TNIK: variants seen among roughly 807,000 people sequenced by gnomAD.
The protein encoded by TNIK is TRAF2 and NCK interacting kinase, also known as TRAF2 and NCK-interacting protein kinase.
In TNIK, 49 loss-of-function variants were observed where a neutral mutation model predicts 191.3. That is an observed-to-expected ratio of 0.26 (90% CI 0.20 to 0.32). TNIK has a LOEUF of 0.32. Ranked by LOEUF, TNIK falls within the 10% of genes least tolerant of loss-of-function variation. The probability of loss-of-function intolerance (pLI) is 1.00; values close to 1 mark genes in which losing one functional copy is unlikely to be tolerated. For synonymous variants in TNIK, 594 were observed against 600.9 expected (o/e 0.99, Z 0.17); for missense variants, 1,155 against 1,702.3 (o/e 0.68, Z 5.66).
intron 2 of TNIK, among the ~76,000 whole-genome samples, chr3:171,330,879 AAAG>A (rs1407287559): frequency 6.6e-6 from 1 of 152,192 alleles, no homozygotes; most frequent in Non-Finnish European, 1.5e-5. Context: ...GGCCCCACCC[AAAG>A]AAGAGTAAAT....
At chr3:171,129,498 C>T (rs1728954963) in intron 15 of TNIK, among the ~76,000 whole-genome samples, 1 of 152,198 alleles carries the variant, frequency 6.6e-6, no homozygotes, top group Non-Finnish European at 1.5e-5. Context: ...TTTCCTGCTT[C>T]CTCAAATACA....
intron 1 of TNIK, among the ~76,000 whole-genome samples, chr3:171,410,574 T>A (rs535511428): frequency 4.1e-4 from 63 of 152,008 alleles, no homozygotes; most frequent in African/African-American, 1.5e-3. Flanking sequence ...GGTCAGGAGA[T>A]CGAGACCATC....
chr3:171,132,309 C>G (rs541956839), intron 15 of TNIK, among the ~76,000 whole-genome samples: 4 of 152,148 alleles, frequency 2.6e-5, no homozygotes, highest in Non-Finnish European at 5.9e-5. Context: ...ATTAAAAAAT[C>G]GTTTCAACAT....
At chr3:171,242,159 TA>T (rs59090516) in intron 2 of TNIK, among the ~76,000 whole-genome samples, 496 of 142,258 alleles carry the variant, frequency 3.5e-3, no homozygotes, top group East Asian at 5.3e-3. Flanking sequence ...GAACTTAAAT[TA>T]AAAAAAAAAA....
At chr3:171,150,603 A>G (rs1732309600) in intron 12 of TNIK, among the ~76,000 whole-genome samples, 1 of 152,252 alleles carries the variant, frequency 6.6e-6, no homozygotes, top group African/African-American at 2.4e-5. Flanking sequence ...ACAGCAAGAA[A>G]TACTGATAAG....
chr3:171,307,561 T>C lies in TNIK; in HGVS notation c.123+62059A>G, dbSNP rs527778503. Among the ~76,000 whole-genome samples the C allele has an allele frequency of 1.1e-4, 16 of 152,326 alleles. 1 individual carries two copies. Among genetic ancestry groups the C allele is most frequent in the African/African-American group, 3.8e-4 (16 of 41,588 alleles). ...TGTTGTTTTGAGTTTTCTTACTTTT[T>C]TACCACTAGTAGTACCAATTCCAGA... On this transcript the variant is annotated intron_variant, in intron 2 of 32. Coordinates refer to ENST00000436636, the MANE Select transcript of TNIK (RefSeq NM_015028.4).
At chr3:171,235,513 C>T (rs1744156508) in intron 2 of TNIK, among the ~76,000 whole-genome samples, 1 of 152,152 alleles carries the variant, frequency 6.6e-6, no homozygotes, top group African/African-American at 2.4e-5. Flanking sequence ...CCAAGAATGG[C>T]ACCTGGGGCT....
At position 171,116,333 on chromosome 3, in the gene TNIK, C is replaced by A. The variant is rs564909395; in HGVS notation, c.2121-5456G>T. 5.3e-5 allele frequency among the ~76,000 whole-genome samples: 8 copies of A among 152,200 alleles called. No homozygotes were observed. In the East Asian group the frequency reaches 1.5e-3, roughly 29 times the overall value. On this transcript the variant is annotated intron_variant, in intron 18 of 32. Coordinates refer to ENST00000436636, the MANE Select transcript of TNIK (RefSeq NM_015028.4). ...CATCTTAACTGAGCCTATTCAGATC[C>A]GAATGTGTAAAAACCTGAAAACATC...
intron 2 of TNIK, among the ~76,000 whole-genome samples, chr3:171,290,226 G>A (rs11717747): frequency 6.6e-6 from 1 of 152,154 alleles, no homozygotes; most frequent in Non-Finnish European, 1.5e-5. Context: ...AATACCTATG[G>A]TTGAATGATG....
chr3:171,096,151 T>A (rs1722690475), intron 22 of TNIK, among the ~76,000 whole-genome samples: 2 of 152,188 alleles, frequency 1.3e-5, no homozygotes, highest in South Asian at 4.1e-4. Context: ...AAGGGGTTCT[T>A]TGCTATTGTC....
chr3:171,372,034 G>A (rs1335484238), intron 1 of TNIK, among the ~76,000 whole-genome samples: 1 of 152,170 alleles, frequency 6.6e-6, no homozygotes, highest in African/African-American at 2.4e-5. Context: ...GAGGGCAGGA[G>A]CACAAACAGG....
chr3:171,354,328 A>G (rs539817795), intron 2 of TNIK, among the ~76,000 whole-genome samples: 26 of 152,310 alleles, frequency 1.7e-4, no homozygotes, highest in African/African-American at 5.8e-4. Context: ...GAAGTAGTTG[A>G]GTGCAACTGC....
intron 17 of TNIK, among the ~76,000 whole-genome samples, chr3:171,124,325 A>G (rs1053666131): frequency 2.0e-5 from 3 of 152,212 alleles, no homozygotes; most frequent in Non-Finnish European, 2.9e-5. Context: ...ATTAGTGAAC[A>G]TAATAGAACA....
chr3:171,093,204 C>A (rs1430450722), intron 23 of TNIK, among the ~76,000 whole-genome samples: 1 of 152,036 alleles, frequency 6.6e-6, no homozygotes, highest in Non-Finnish European at 1.5e-5. Context: ...TTAGCATGGA[C>A]ACAGTGGGGA....
At chr3:171,069,771 T>A (rs1039399391) in intron 29 of TNIK, among the ~76,000 whole-genome samples, 1 of 152,240 alleles carries the variant, frequency 6.6e-6, no homozygotes, top group Non-Finnish European at 1.5e-5. Context: ...CCTTGAGATC[T>A]GGGAGAGCAT....
intron 2 of TNIK, among the ~76,000 whole-genome samples, chr3:171,328,650 C>T (rs1425178279): frequency 1.3e-5 from 2 of 152,142 alleles, no homozygotes; most frequent in Non-Finnish European, 2.9e-5. Flanking sequence ...AAGCCGAATG[C>T]CTGAAATACC....
At chr3:171,338,958 T>A (rs1290913686) in intron 2 of TNIK, among the ~76,000 whole-genome samples, 1 of 152,224 alleles carries the variant, frequency 6.6e-6, no homozygotes, top group East Asian at 1.9e-4. Flanking sequence ...AAGCTCATAA[T>A]GACTATGCTA....
intron 23 of TNIK, among the ~76,000 whole-genome samples, chr3:171,090,148 A>G (rs922921209): frequency 6.6e-6 from 1 of 152,164 alleles, no homozygotes; most frequent in African/African-American, 2.4e-5. Context: ...ATGCAGAGGG[A>G]GAGAAAGCTC....
chr3:171,137,719 G>C (rs767724443), intron 15 of TNIK, among the ~76,000 whole-genome samples: 4 of 152,202 alleles, frequency 2.6e-5, no homozygotes, highest in Admixed American at 6.5e-5. Context: ...GAGGTCAACT[G>C]TGCATCTGCT....
Sources: allele counts gnomAD v4.1 joint callset (sites outside exome capture counted in the v4.1 genomes callset), GRCh38; gene constraint gnomAD v4.1.1; transcripts MANE v1.5; gene names NCBI Gene and HGNC (gene_info 2026-07-23, HGNC 2026-07-21).